Variants in CDKN2A observed in about 807,000 individuals in gnomAD.
CDKN2A encodes the protein cyclin dependent kinase inhibitor 2A, also known as cyclin-dependent kinase inhibitor 2A.
In CDKN2A, 3 loss-of-function variants were observed where a neutral mutation model predicts 11.1. The observed-to-expected ratio is 0.27, with a 90% confidence interval of 0.12 to 0.70. CDKN2A has a LOEUF of 0.70. Among genes scored for constraint, CDKN2A ranks in the 30% least tolerant of loss-of-function variants. CDKN2A has a pLI of 0.77. For missense variants in CDKN2A, 265 were observed against 233.6 expected (o/e 1.13, Z -0.88); for synonymous variants, 122 against 108.1 (o/e 1.13, Z -0.80).
In CDKN2A at chr9:21,991,223, G is replaced by A. The variant is rs1428413741; in HGVS notation, c.-4+2659C>T. On this transcript the variant is annotated intron_variant, in intron 2 of 3. Coordinates refer to the CDKN2A transcript ENST00000494262. The surrounding 1 kb of genome is among the most constrained non-coding windows in gnomAD (Gnocchi z 5.2). ...AGCTTGTCCAACCTGTGGGCCCGAG[G>A]GTCACATGCAGCCCAGGATGGTTTT... is the stretch of plus-strand genomic sequence containing the variant. Among the ~76,000 whole-genome samples the A allele has an allele frequency of 1.3e-5, 2 of 152,112 alleles. No individual in the cohort carries two copies. Among genetic ancestry groups the A allele is most frequent in the East Asian group, 3.8e-4 (2 of 5,202 alleles).
upstream of CDKN2A, among the ~76,000 whole-genome samples, chr9:21,978,124 G>C (rs540821327): frequency 7.3e-6 from 1 of 136,778 alleles, no homozygotes; most frequent in South Asian, 2.6e-4. Flanking sequence ...TCTTATGTAG[G>C]GGGGAGGGGG....
At chr9:21,971,259 G>C (rs1168010399) in intron 1 of CDKN2A, 51 bp from the exon 2 acceptor site, 2 of 1,570,056 alleles carry the variant, frequency 1.3e-6, no homozygotes, top group Non-Finnish European at 8.6e-7. Flanking sequence ...CGGCATGACG[G>C]AAAGGAAGCT....
At chr9:21,987,230 T>C (rs1414254961) in intron 2 of CDKN2A, among the ~76,000 whole-genome samples, 1 of 152,096 alleles carries the variant, frequency 6.6e-6, no homozygotes, top group Non-Finnish European at 1.5e-5. Context: ...AAATGCTTTA[T>C]TCTGTTATGG....
At position 21,974,756 on chromosome 9, in the gene CDKN2A, C is replaced by A. The variant is rs1449870708; in HGVS notation, c.72G>T (p.Arg24=). ...CCAGCAGCGCCCGCACCTCCTCTAC[C>A]CGACCCCGGGCCGCGGCCGTGGCCA... is the stretch of plus-strand genomic sequence containing the variant. The part of the protein sequence containing the change: ...DWLATAAARG[R]VEEVRALLEA... The change falls in exon 1 of 3, where the codon CGG becomes CGT. Residue 24 remains arginine (R), a synonymous_variant. Transcript: ENST00000304494. The surrounding 1 kb of genome is among the most constrained non-coding windows in gnomAD (Gnocchi z 5.2). 1.9e-6 allele frequency: 3 copies of A among 1,610,290 alleles called. No homozygotes were observed. The highest frequency in any genetic ancestry group is 2.5e-6 in the Non-Finnish European group (3 of 1,179,534).
In CDKN2A at chr9:21,991,299, T is replaced by G. The variant is rs1018081758; in HGVS notation, c.-4+2583A>C. ...CACTTTCTTAAAGTATCATGAGTTT[T>G]TTTTTTTTTTTAAGCTCATCAGCTA... On this transcript the variant is annotated intron_variant, in intron 2 of 3. Transcript: ENST00000494262. The surrounding 1 kb of genome is among the most constrained non-coding windows in gnomAD (Gnocchi z 5.2). 1.3e-5 allele frequency among the ~76,000 whole-genome samples: 2 copies of G among 151,970 alleles called. No individual in the cohort carries two copies. Among genetic ancestry groups the G allele is most frequent in the Non-Finnish European group, 2.9e-5 (2 of 67,984 alleles).
chr9:21,968,905 T>C lies in CDKN2A; in HGVS notation c.458-663A>G. ...TTTACACTTGAGAGTCTCAAGATTA[T>C]TTTATTCCTGAGGGAGCATTTGCAC... On this transcript the variant is annotated intron_variant, in intron 2 of 2. Transcript: ENST00000304494. This position sits in a 1 kb window ranked among gnomAD's most constrained non-coding sequence, Gnocchi z 4.7. The C allele has an allele frequency of 1.2e-6, 1 of 868,562 alleles. No homozygotes were observed. Among genetic ancestry groups the C allele is most frequent in the Non-Finnish European group, 1.8e-6 (1 of 545,092 alleles). The allele number at this position is 868,562 out of a possible 1,614,324, so 53.8% of individuals were successfully genotyped here. A position where few individuals can be genotyped will look rare whatever the true frequency, so the allele number is the denominator to read the frequency against.
chr9:21,977,837 T>C (rs1310668161), upstream of CDKN2A, among the ~76,000 whole-genome samples: 2 of 152,206 alleles, frequency 1.3e-5, no homozygotes, highest in Admixed American at 1.3e-4. Context: ...TTCAGGGATT[T>C]CTCTGAAACT....
intron 1 of CDKN2A, chr9:21,994,068 T>C: frequency 1.3e-6 from 2 of 1,507,774 alleles, no homozygotes; most frequent in African/African-American, 1.4e-5. Context: ...AGACGAATTA[T>C]CTGTTTACGA....
intron 2 of CDKN2A, among the ~76,000 whole-genome samples, chr9:21,989,082 A>G (rs1471478753): frequency 6.6e-6 from 1 of 152,044 alleles, no homozygotes; most frequent in Admixed American, 6.5e-5. Context: ...AGAGATTCAC[A>G]TTCAACAAAT....
At chr9:21,993,916 C>T in exon 2 of CDKN2A, 1 of 612,464 alleles carries the variant, frequency 1.6e-6, no homozygotes, top group Non-Finnish European at 2.9e-6. Context: ...CTCTGTTCGC[C>T]TCAGTTTCCC....
chr9:21,975,170 C>T, upstream of CDKN2A: 1 of 1,159,354 alleles, frequency 8.6e-7, no homozygotes, highest in East Asian at 4.4e-5. Flanking sequence ...GGACTGGGCT[C>T]CTCCCCACCT....
intron 1 of CDKN2A, chr9:21,994,429 G>C (rs561942696): frequency 1.3e-6 from 2 of 1,591,858 alleles, no homozygotes; most frequent in Admixed American, 1.8e-5. Flanking sequence ...CTGCAGACTG[G>C]GACCCACGCA....
chr9:21,967,920 C>G lies in CDKN2A; in HGVS notation c.*309G>C, dbSNP rs555100842. 93 of 401,694 alleles carry G rather than the reference C, an allele frequency of 2.3e-4. No homozygotes were observed. The Admixed American group carries it at 2.7e-3, about 11-fold the overall frequency. The allele number at this position is 401,694 out of a possible 1,614,324, so 24.9% of individuals were successfully genotyped here. ...GGCTGCGAGGCTCGCAAGAAATGCC[C>G]ACATGAATGTGCGCTTAGGGCGTGA... is the stretch of plus-strand genomic sequence containing the variant. On this transcript the variant is annotated 3_prime_UTR_variant, in exon 3 of 3. Transcript: ENST00000304494.
chr9:21,978,616 G>C (rs1820097397), upstream of CDKN2A, among the ~76,000 whole-genome samples: 1 of 152,114 alleles, frequency 6.6e-6, no homozygotes, highest in Admixed American at 6.5e-5. Context: ...CCTCTTTCCT[G>C]AGAATGCCAT....
chr9:21,988,321 C>A lies in CDKN2A; in HGVS notation c.-4+5561G>T, dbSNP rs1168542177. 1.3e-5 allele frequency among the ~76,000 whole-genome samples: 2 copies of A among 152,120 alleles called. No individual in the cohort carries two copies. The highest frequency in any genetic ancestry group is 4.8e-5 in the African/African-American group (2 of 41,442). On this transcript the variant is annotated intron_variant, in intron 2 of 3. Coordinates refer to the CDKN2A transcript ENST00000494262. The surrounding 1 kb of genome is among the most constrained non-coding windows in gnomAD (Gnocchi z 4.1). The stretch of plus-strand genomic sequence containing the variant: ...ATTTTCATGAACAAAGCCAATAAGT[C>A]ATAAAAATTAAAAATCAACATACTA...
intron 1 of CDKN2A, chr9:21,994,442 G>A (rs2131149628): frequency 2.6e-6 from 4 of 1,553,584 alleles, no homozygotes; most frequent in East Asian, 2.3e-5. Flanking sequence ...CCCACGCACC[G>A]CCCCCTGCCC....
At position 21,968,331 on chromosome 9, in the gene CDKN2A, G is replaced by A. The variant is rs781575692; in HGVS notation, c.458-89C>T. ...GCCCTCCTCTCTTGCCGTCCCTACC[G>A]GCATTGAAATACTTATGGATAAAGT... On this transcript the variant is annotated intron_variant, in intron 2 of 2. Coordinates refer to ENST00000304494, the MANE Select transcript of CDKN2A (RefSeq NM_000077.5). The surrounding 1 kb of genome is among the most constrained non-coding windows in gnomAD (Gnocchi z 4.7). The A allele has an allele frequency of 8.9e-5, 139 of 1,555,132 alleles. No homozygotes were observed. The highest frequency in any genetic ancestry group is 1.2e-4 in the Non-Finnish European group (132 of 1,130,588).
upstream of CDKN2A, among the ~76,000 whole-genome samples, chr9:21,977,768 T>A (rs931752847): frequency 2.6e-5 from 4 of 152,180 alleles, no homozygotes; most frequent in Non-Finnish European, 5.9e-5. Context: ...AGGTAATGAT[T>A]TTTTTTAAAA....
chr9:21,974,917 CCCT>C (rs1819975260), upstream of CDKN2A: 1 of 1,435,056 alleles, frequency 7.0e-7, no homozygotes, highest in Non-Finnish European at 9.1e-7. This position sits in a 1 kb window ranked among gnomAD's most constrained non-coding sequence, Gnocchi z 5.2. Flanking sequence ...ACCAGCCAGC[CCCT>C]CCTCTTTCTT....
Sources: gnomAD v4.1 joint callset for allele counts (sites outside exome capture counted in the v4.1 genomes callset) on GRCh38, gnomAD v4.1.1 for gene constraint, Gnocchi (gnomAD v3.1) non-coding constraint, MANE v1.5 for transcripts, NCBI Gene and HGNC (gene_info 2026-07-23, HGNC 2026-07-21) for gene names.